NREP: variants seen among roughly 807,000 people sequenced by gnomAD.
NREP encodes neuronal regeneration related protein.
A neutral mutation model predicts 8.6 loss-of-function variants in NREP; 5 were observed. The observed-to-expected ratio is 0.58, with a 90% CI of 0.30 to 1.22. The LOEUF (loss-of-function observed/expected upper bound fraction) is 1.22, where lower values mean the gene tolerates loss of function less well. Ranked by LOEUF, NREP falls within the 50% of genes most tolerant of loss-of-function variation. The pLI, the probability that NREP is intolerant of heterozygous loss-of-function variation, is 0.07. For synonymous variants in NREP, 27 were observed against 28.0 expected (o/e 0.96, Z 0.11); for missense variants, 86 against 82.5 (o/e 1.04, Z -0.17).
intron 2 of NREP, among the ~76,000 whole-genome samples, chr5:111,848,695 A>G (rs1158038057): frequency 6.6e-6 from 1 of 151,972 alleles, no homozygotes; most frequent in Non-Finnish European, 1.5e-5. Context: ...GCCAAAGACA[A>G]TCTGACTAAC....
At chr5:111,875,845 A>C (rs951441054) in intron 2 of NREP, among the ~76,000 whole-genome samples, 1 of 152,196 alleles carries the variant, frequency 6.6e-6, no homozygotes, top group Non-Finnish European at 1.5e-5. Context: ...AGTGAGGTTA[A>C]GAGCAGAAAT....
intron 2 of NREP, among the ~76,000 whole-genome samples, chr5:111,835,608 G>A (rs1281774962): frequency 1.3e-5 from 2 of 151,970 alleles, no homozygotes; most frequent in South Asian, 2.1e-4. Flanking sequence ...AAGCAAGGGA[G>A]GTCAACCAAG....
At chr5:111,821,587 A>G (rs1272911499) in intron 2 of NREP, among the ~76,000 whole-genome samples, 1 of 152,222 alleles carries the variant, frequency 6.6e-6, no homozygotes, top group Non-Finnish European at 1.5e-5. Context: ...AAATTTCTTG[A>G]CCAAAAAAAT....
chr5:111,949,976 T>C (rs183645778), intron 2 of NREP, among the ~76,000 whole-genome samples: 20 of 152,246 alleles, frequency 1.3e-4, no homozygotes, highest in Admixed American at 1.1e-3. Context: ...AATGGTTATT[T>C]CTGGTTCTAG....
intron 2 of NREP, among the ~76,000 whole-genome samples, chr5:111,837,905 G>C (rs1397094829): frequency 6.6e-6 from 1 of 151,928 alleles, no homozygotes. Context: ...ATAACTGATA[G>C]TATCAATATA....
intron 2 of NREP, among the ~76,000 whole-genome samples, chr5:111,774,537 A>C (rs1428218167): frequency 6.6e-6 from 1 of 152,178 alleles, no homozygotes; most frequent in East Asian, 1.9e-4. Context: ...GAAAGGCCAC[A>C]GAAAGGGGAA....
At chr5:111,968,103 A>G (rs1217012428) in intron 2 of NREP, among the ~76,000 whole-genome samples, 1 of 152,172 alleles carries the variant, frequency 6.6e-6, no homozygotes, top group Non-Finnish European at 1.5e-5. Flanking sequence ...AAACATTTCA[A>G]TTAATTATAC....
intron 2 of NREP, among the ~76,000 whole-genome samples, chr5:111,876,323 C>A (rs146437589): frequency 2.0e-4 from 30 of 152,308 alleles, no homozygotes; most frequent in Middle Eastern, 3.4e-3. Flanking sequence ...TTTGCCCTCA[C>A]TATCCGCCTA....
rs548264470 is a variant in NREP at position 111,819,893 on chromosome 5, G to T, written c.136-84386C>A. Among the ~76,000 whole-genome samples, 26 of 152,248 alleles carry T rather than the reference G, an allele frequency of 1.7e-4. No individual in the cohort carries two copies. The South Asian group carries it at 5.2e-3, about 30-fold the overall frequency. On this transcript the variant is annotated intron_variant, in intron 2 of 3. Coordinates refer to the NREP transcript ENST00000395634. ...GGAACAGACAGACATTAAAACTGGA[G>T]ATTTTAAGAGAGCTTATTAATTGGT...
At chr5:111,894,570 C>T (rs1754464713) in intron 2 of NREP, among the ~76,000 whole-genome samples, 1 of 152,118 alleles carries the variant, frequency 6.6e-6, no homozygotes, top group African/African-American at 2.4e-5. Flanking sequence ...AAAACAGCAG[C>T]TTTCCAAGAC....
At chr5:111,952,794 T>C (rs1756199827) in intron 2 of NREP, among the ~76,000 whole-genome samples, 1 of 152,110 alleles carries the variant, frequency 6.6e-6, no homozygotes, top group Non-Finnish European at 1.5e-5. Context: ...TTATGCAAGA[T>C]GTTACCATTG....
intron 2 of NREP, among the ~76,000 whole-genome samples, chr5:111,791,359 C>G (rs1751742076): frequency 6.6e-6 from 1 of 152,190 alleles, no homozygotes; most frequent in Non-Finnish European, 1.5e-5. Flanking sequence ...CAACATCTCC[C>G]CAGTCCTCAC....
intron 2 of NREP, among the ~76,000 whole-genome samples, chr5:111,806,901 G>C (rs908618169): frequency 1.3e-5 from 2 of 152,046 alleles, no homozygotes; most frequent in African/African-American, 4.8e-5. Flanking sequence ...GACTCCCAGA[G>C]ATCATTCTCT....
At chr5:111,820,842 G>C (rs759510203) in intron 2 of NREP, among the ~76,000 whole-genome samples, 37 of 152,256 alleles carry the variant, frequency 2.4e-4, no homozygotes, top group Non-Finnish European at 4.1e-4. Context: ...GATAAGGAAA[G>C]TCTCCAATTA....
chr5:111,834,075 T>C (rs1299708315), intron 2 of NREP, among the ~76,000 whole-genome samples: 1 of 152,094 alleles, frequency 6.6e-6, no homozygotes, highest in East Asian at 1.9e-4. Flanking sequence ...TCACCTGACT[T>C]TTTTTGTGTT....
chr5:111,783,105 C>T (rs2112885223), intron 2 of NREP, among the ~76,000 whole-genome samples: 1 of 152,180 alleles, frequency 6.6e-6, no homozygotes, highest in East Asian at 1.9e-4. Context: ...CATTGTTCCA[C>T]AGTATCAGAA....
rs1756453122 is a variant in NREP, at chr5:111,960,618, A to C, written c.135+14656T>G. On this transcript the variant is annotated intron_variant, in intron 2 of 3. Coordinates refer to the NREP transcript ENST00000395634. ...AATCTGAGTAGGCAAGAATTTAGAAAATCAAAGGGCAGTAAAGGTCTAGAG... is the reference window on the plus strand; with the variant it reads ...AATCTGAGTAGGCAAGAATTTAGAACATCAAAGGGCAGTAAAGGTCTAGAG... 1.3e-5 allele frequency among the ~76,000 whole-genome samples: 2 copies of C among 152,184 alleles called. 1 individual carries two copies. The highest frequency in any genetic ancestry group is 4.1e-4 in the South Asian group (2 of 4,834).
intron 2 of NREP, among the ~76,000 whole-genome samples, chr5:111,747,514 G>T (rs527448854): frequency 3.2e-4 from 48 of 152,134 alleles, no homozygotes; most frequent in Non-Finnish European, 6.2e-4. Context: ...GAGCTGGGAT[G>T]GGGGAGAGAA....
intron 2 of NREP, among the ~76,000 whole-genome samples, chr5:111,863,486 T>C (rs2112484661): frequency 6.6e-6 from 1 of 152,084 alleles, no homozygotes; most frequent in East Asian, 1.9e-4. Flanking sequence ...TGGCTAAAGA[T>C]TTGGGCATAG....
Sources: allele counts gnomAD v4.1 joint callset (sites outside exome capture counted in the v4.1 genomes callset), GRCh38; gene constraint gnomAD v4.1.1; transcripts MANE v1.5; gene names NCBI Gene and HGNC (gene_info 2026-07-23, HGNC 2026-07-21).